Variants in MACROD2 observed in about 807,000 individuals in gnomAD.
The protein encoded by MACROD2 is mono-ADP ribosylhydrolase 2.
A neutral mutation model predicts 70.4 loss-of-function variants in MACROD2; 36 were observed. The observed-to-expected ratio is 0.51, with a 90% CI of 0.39 to 0.68. MACROD2 has a LOEUF of 0.68. Ranked by LOEUF, MACROD2 falls within the 30% of genes least tolerant of loss-of-function variation. The pLI, the probability that MACROD2 is intolerant of heterozygous loss-of-function variation, is 0.00. For synonymous variants in MACROD2, 172 were observed against 178.8 expected (o/e 0.96, Z 0.30); for missense variants, 496 against 538.4 (o/e 0.92, Z 0.78).
chr20:14,349,191 C>CTT (rs5840611), intron 3 of MACROD2, among the ~76,000 whole-genome samples: 1 of 136,774 alleles, frequency 7.3e-6, no homozygotes, highest in Non-Finnish European at 1.6e-5. Flanking sequence ...TATATACAAA[C>CTT]TTTTTTTTTT....
intron 3 of MACROD2, among the ~76,000 whole-genome samples, chr20:14,242,210 C>T (rs1681775049): frequency 6.6e-6 from 1 of 152,138 alleles, no homozygotes; most frequent in Non-Finnish European, 1.5e-5. Flanking sequence ...TGTTTGGATT[C>T]ATCTTCCTAT....
intron 6 of MACROD2, among the ~76,000 whole-genome samples, chr20:15,355,639 C>T (rs2078278257): frequency 6.6e-6 from 1 of 152,154 alleles, no homozygotes; most frequent in Admixed American, 6.5e-5. Flanking sequence ...AGTTTCAACT[C>T]TTTAATCATG....
intron 5 of MACROD2, among the ~76,000 whole-genome samples, chr20:14,859,169 A>G (rs555206049): frequency 7.9e-5 from 12 of 152,132 alleles, no homozygotes; most frequent in African/African-American, 2.9e-4. Context: ...AAATCTCAGA[A>G]ATTACCACTA....
chr20:15,647,083 T>C (rs1410204012), intron 8 of MACROD2, among the ~76,000 whole-genome samples: 2 of 152,244 alleles, frequency 1.3e-5, no homozygotes, highest in Non-Finnish European at 2.9e-5. Flanking sequence ...ATAAAAGTTC[T>C]AAATGAATGC....
At chr20:14,153,490 G>A (rs2055053647) in intron 3 of MACROD2, among the ~76,000 whole-genome samples, 1 of 152,204 alleles carries the variant, frequency 6.6e-6, no homozygotes, top group Admixed American at 6.5e-5. Flanking sequence ...TGGTTTTACA[G>A]TTCCAAGAGC....
chr20:15,071,383 A>G (rs114217625), intron 5 of MACROD2, among the ~76,000 whole-genome samples: 1 of 152,182 alleles, frequency 6.6e-6, no homozygotes, highest in South Asian at 2.1e-4. Context: ...TGTTGCTCTC[A>G]TCTGTGATTT....
chr20:15,938,291 GA>G (rs773422218), intron 12 of MACROD2, among the ~76,000 whole-genome samples: 3 of 152,080 alleles, frequency 2.0e-5, no homozygotes, highest in Non-Finnish European at 4.4e-5. Flanking sequence ...ACTGTGCTTT[GA>G]AAATATTACA....
At chr20:15,145,397 C>T (rs916453385) in intron 5 of MACROD2, among the ~76,000 whole-genome samples, 18 of 151,760 alleles carry the variant, frequency 1.2e-4, no homozygotes, top group Admixed American at 2.0e-4. Context: ...GTTTTTCATA[C>T]GACACCAATA....
intron 3 of MACROD2, among the ~76,000 whole-genome samples, chr20:14,221,399 A>G (rs185410614): frequency 1.3e-5 from 2 of 152,324 alleles, no homozygotes; most frequent in East Asian, 1.9e-4. Flanking sequence ...TTTGCAAACA[A>G]TAAATGCCCT....
At chr20:15,503,017 C>T (rs1454954590) in intron 8 of MACROD2, among the ~76,000 whole-genome samples, 1 of 152,112 alleles carries the variant, frequency 6.6e-6, no homozygotes, top group Non-Finnish European at 1.5e-5. Context: ...GAAAAAGGCA[C>T]CCAGGGACTA....
intron 3 of MACROD2, among the ~76,000 whole-genome samples, chr20:14,471,888 A>G (rs764521108): frequency 1.3e-5 from 2 of 152,094 alleles, no homozygotes; most frequent in Non-Finnish European, 2.9e-5. Flanking sequence ...ATAATTCACT[A>G]TTTTTGCTTG....
At chr20:14,335,769 G>A (rs987038996) in intron 3 of MACROD2, among the ~76,000 whole-genome samples, 7 of 152,154 alleles carry the variant, frequency 4.6e-5, no homozygotes, top group Non-Finnish European at 1.0e-4. Context: ...TGTTTTGGTT[G>A]TGCTCTTCAA....
chr20:15,649,195 CTTCTTTCTTTCCTTCTTTCTTTCTTTCT>C (rs1434875985), intron 8 of MACROD2, among the ~76,000 whole-genome samples: 1 of 93,450 alleles, frequency 1.1e-5, no homozygotes, highest in Non-Finnish European at 2.0e-5. Flanking sequence ...TTTTTCCTTT[CTTCTTTCTTTCCTTCTTTCTTTCTTTCT>C]TTCTTTCTTT....
chr20:15,928,445 A>G (rs1022198024), intron 10 of MACROD2, among the ~76,000 whole-genome samples: 2 of 152,160 alleles, frequency 1.3e-5, no homozygotes, highest in Non-Finnish European at 2.9e-5. Context: ...ATTTTTGCTG[A>G]TTCATAATTT....
chr20:15,842,712 GGATAGATA>G (rs60376874), intron 8 of MACROD2, among the ~76,000 whole-genome samples: 25 of 141,694 alleles, frequency 1.8e-4, no homozygotes, highest in South Asian at 7.2e-4. Flanking sequence ...GTGGGTGGAT[GGATAGATA>G]GATAGATAGA....
intron 6 of MACROD2, among the ~76,000 whole-genome samples, chr20:15,287,130 T>TA (rs1317281836): frequency 2.0e-5 from 3 of 152,128 alleles, no homozygotes; most frequent in African/African-American, 7.2e-5. Context: ...AAATTCAATG[T>TA]AAAAGGAAGG....
intron 10 of MACROD2, among the ~76,000 whole-genome samples, chr20:15,896,920 G>A (rs2064981831): frequency 6.6e-6 from 1 of 152,152 alleles, no homozygotes; most frequent in East Asian, 1.9e-4. Context: ...CTGTGAACCA[G>A]CAAGGCATAG....
rs1568634216 is a variant in MACROD2 at position 15,910,393 on chromosome 20, C to CGTGTGTGTGT, written c.776-22883_776-22882insGTGTGTGTGT. On this transcript the variant is annotated intron_variant, in intron 10 of 17. Coordinates refer to ENST00000684519, the MANE Select transcript of MACROD2 (RefSeq NM_001351661.2). The stretch of plus-strand genomic sequence containing the variant: ...ATTGTGATGTGGCCAAGTCAGAGGA[C>CGTGTGTGTGT]ATGTGTGTGTGTGTGTGTGTGTGTG... Among the ~76,000 whole-genome samples the CGTGTGTGTGT allele has an allele frequency of 4.3e-4, 45 of 105,784 alleles. No homozygotes were observed. The East Asian group carries it at 4.7e-3, about 11-fold the overall frequency. 69.4% of individuals were successfully genotyped at this position (105,784 alleles called of 152,430 possible). A position where few individuals can be genotyped will look rare whatever the true frequency, so the allele number is the denominator to read the frequency against.
At chr20:14,563,687 G>A (rs994499275) in intron 4 of MACROD2, among the ~76,000 whole-genome samples, 1 of 151,624 alleles carries the variant, frequency 6.6e-6, no homozygotes, top group Non-Finnish European at 1.5e-5. Flanking sequence ...TTTCTATTTG[G>A]TTCTTTTTTT....
Sources: allele counts gnomAD v4.1 joint callset (sites outside exome capture counted in the v4.1 genomes callset), GRCh38; gene constraint gnomAD v4.1.1; transcripts MANE v1.5; gene names NCBI Gene and HGNC (gene_info 2026-07-23, HGNC 2026-07-21).